The following KCNT2 variants were observed in gnomAD, a reference collection of about 807,000 sequenced individuals.
KCNT2 encodes potassium channel subfamily T member 2.
Under a neutral mutation model 153.8 loss-of-function variants are expected in KCNT2, and 67 were observed. That is an observed-to-expected ratio of 0.44 (90% CI 0.36 to 0.53). The LOEUF is 0.53. Among genes scored for constraint, KCNT2 ranks in the 20% least tolerant of loss-of-function variants. The probability of loss-of-function intolerance (pLI) is 0.00; values close to 1 mark genes in which losing one functional copy is unlikely to be tolerated. For synonymous variants in KCNT2, 500 were observed against 458.8 expected, an observed-to-expected ratio of 1.09 and a Z score of -1.15; for missense variants, 975 against 1,354.8, an observed-to-expected ratio of 0.72 and a Z score of 4.40.
chr1:196,302,266 A>C (rs1046527300), intron 22 of KCNT2, among the ~76,000 whole-genome samples: 1 of 152,322 alleles, frequency 6.6e-6, no homozygotes, highest in Admixed American at 6.5e-5. Flanking sequence ...CCCAGAATAC[A>C]AATATGGAAA....
At chr1:196,529,475 C>A (rs1654664896) in intron 1 of KCNT2, among the ~76,000 whole-genome samples, 1 of 152,068 alleles carries the variant, frequency 6.6e-6, no homozygotes, top group African/African-American at 2.4e-5. Context: ...GCTGTGGAGA[C>A]ATTATGATCT....
intron 8 of KCNT2, among the ~76,000 whole-genome samples, chr1:196,448,521 A>T (rs908503901): frequency 6.6e-6 from 1 of 151,594 alleles, no homozygotes; most frequent in Non-Finnish European, 1.5e-5. Context: ...GTAAAATTGC[A>T]TTACCTGCCC....
At chr1:196,284,246 AAAATATATATATAT>A (rs1659415521) in intron 23 of KCNT2, among the ~76,000 whole-genome samples, 1 of 14,118 alleles carries the variant, frequency 7.1e-5, no homozygotes, top group South Asian at 4.1e-3. Context: ...AAAAAAAAAA[AAAATATATATATAT>A]ATATATATAT....
rs71154737 is a variant in KCNT2 at position 196,329,950 on chromosome 1, CATATATATATATATATAT to C, written c.2103+1188_2103+1205del. Among the ~76,000 whole-genome samples, 38 of 73,528 alleles carry C rather than the reference CATATATATATATATATAT, an allele frequency of 5.2e-4. 3 individuals carry two copies. The highest frequency in any genetic ancestry group is 2.4e-3 in the African/African-American group (36 of 14,982). The allele number at this position is 73,528 out of a possible 152,430, so 48.2% of individuals were successfully genotyped here. A position where few individuals can be genotyped will look rare whatever the true frequency, so the allele number is the denominator to read the frequency against. ...AAATGGATAATTCTGTTCCTCAAGACATATATATATATATATATATATATATATATATATTTGAATGAG... is the reference window on the plus strand; with the variant it reads ...AAATGGATAATTCTGTTCCTCAAGACATATATATATATATATTTGAATGAG... On this transcript the variant is annotated intron_variant, in intron 18 of 27. Coordinates refer to ENST00000294725, the MANE Select transcript of KCNT2 (RefSeq NM_198503.5).
Position 196,319,476 on chromosome 1 carries a change from T to C in KCNT2, c.2348+8A>G. 6.2e-7 allele frequency: 1 copy of C among 1,604,790 alleles called. No individual in the cohort carries two copies. The highest frequency in any genetic ancestry group is 8.5e-7 in the Non-Finnish European group (1 of 1,172,772). On this transcript the variant is annotated splice_region_variant and intron_variant, in intron 20 of 27. Transcript: ENST00000294725. The stretch of plus-strand genomic sequence containing the variant: ...ACTAGTTAGTGTGCCAAAGATTTTG[T>C]CACCTACTTGTCAATAGAGCCCACC...
At chr1:196,260,319 ATTCAC>A (rs896240071) in intron 25 of KCNT2, among the ~76,000 whole-genome samples, 4 of 151,874 alleles carry the variant, frequency 2.6e-5, no homozygotes, top group African/African-American at 9.7e-5. Context: ...GAGCATAGGG[ATTCAC>A]TTCTTTTCCA....
chr1:196,489,345 A>T (rs1480124435), intron 3 of KCNT2, among the ~76,000 whole-genome samples: 1 of 151,978 alleles, frequency 6.6e-6, no homozygotes, highest in Non-Finnish European at 1.5e-5. Context: ...TCTAGTATTC[A>T]TGGAATACCA....
chr1:196,526,060 T>C (rs1654153953), intron 1 of KCNT2, among the ~76,000 whole-genome samples: 2 of 148,340 alleles, frequency 1.3e-5, no homozygotes, highest in African/African-American at 5.0e-5. Context: ...TGTGTGTGAA[T>C]CAGCACACTG....
intron 19 of KCNT2, among the ~76,000 whole-genome samples, chr1:196,325,820 A>G (rs568144211): frequency 5.9e-5 from 9 of 152,246 alleles, no homozygotes; most frequent in Non-Finnish European, 1.0e-4. Flanking sequence ...AGTTGCATCA[A>G]TAAGTATTTT....
At chr1:196,388,046 C>T (rs1366273001) in intron 13 of KCNT2, among the ~76,000 whole-genome samples, 2 of 151,050 alleles carry the variant, frequency 1.3e-5, no homozygotes, top group Non-Finnish European at 3.0e-5. Flanking sequence ...GTTGTAGTCT[C>T]ACTTTTTACA....
At chr1:196,362,977 T>C (rs936081108) in intron 14 of KCNT2, among the ~76,000 whole-genome samples, 2 of 152,106 alleles carry the variant, frequency 1.3e-5, no homozygotes, top group Non-Finnish European at 2.9e-5. Context: ...TAGGGAGGCA[T>C]GTCAAAAGCA....
At chr1:196,538,841 A>C (rs778045081) in intron 1 of KCNT2, among the ~76,000 whole-genome samples, 3 of 152,218 alleles carry the variant, frequency 2.0e-5, no homozygotes, top group Non-Finnish European at 4.4e-5. Context: ...AATTATTCTT[A>C]AAATGTTCTA....
Position 196,292,226 on chromosome 1 carries a change from T to C in KCNT2, c.2596-6468A>G, listed in dbSNP as rs183539734. Among the ~76,000 whole-genome samples the C allele has an allele frequency of 1.1e-4, 17 of 152,302 alleles. No homozygotes were observed. In the East Asian group the frequency reaches 3.1e-3, roughly 28 times the overall value. ...ACTGAGGACACACTTAAAAATCAAATATTGCAAGGTCATGTATAAAAAGCA... is the reference window on the plus strand; with the variant it reads ...ACTGAGGACACACTTAAAAATCAAACATTGCAAGGTCATGTATAAAAAGCA... On this transcript the variant is annotated intron_variant, in intron 22 of 27. Transcript: ENST00000294725.
At chr1:196,481,734 G>A (rs189878569) in intron 4 of KCNT2, among the ~76,000 whole-genome samples, 34 of 152,248 alleles carry the variant, frequency 2.2e-4, no homozygotes, top group African/African-American at 7.7e-4. Flanking sequence ...AAGAAGTAAC[G>A]GAGACTCTAG....
At chr1:196,374,051 C>G (rs988715077) in intron 13 of KCNT2, among the ~76,000 whole-genome samples, 6 of 151,814 alleles carry the variant, frequency 4.0e-5, no homozygotes, top group African/African-American at 7.2e-5. Flanking sequence ...ATTCTATTTT[C>G]TACAGAAGTC....
intron 1 of KCNT2, among the ~76,000 whole-genome samples, chr1:196,591,285 C>T (rs149165889): frequency 1.1e-4 from 16 of 152,170 alleles, no homozygotes; most frequent in Admixed American, 1.0e-3. Context: ...TTACAACTTC[C>T]ACAATAAGTG....
chr1:196,454,825 G>C (rs1010785598), intron 8 of KCNT2, among the ~76,000 whole-genome samples: 2 of 151,920 alleles, frequency 1.3e-5, no homozygotes, highest in African/African-American at 4.8e-5. Flanking sequence ...CAGAAGTCTA[G>C]GTAGGCTCAG....
chr1:196,228,168 C>G lies in KCNT2; in HGVS notation c.*56G>C, dbSNP rs1653633752. On this transcript the variant is annotated 3_prime_UTR_variant, in exon 28 of 28. Transcript: ENST00000294725. ...TCTAGTTTCTTTCGTGCCAGCAAAA[C>G]TTTTGTGGTTTCAAGCAAGGTCTTT... The G allele has an allele frequency of 1.0e-6, 1 of 993,282 alleles. No individual in the cohort carries two copies. The highest frequency in any genetic ancestry group is 1.4e-5 in the South Asian group (1 of 71,544). The allele number at this position is 993,282 out of a possible 1,614,324, so 61.5% of individuals were successfully genotyped here. A position where few individuals can be genotyped will look rare whatever the true frequency, so the allele number is the denominator to read the frequency against.
At chr1:196,252,735 GC>G (rs1656090647) in intron 26 of KCNT2, among the ~76,000 whole-genome samples, 1 of 151,376 alleles carries the variant, frequency 6.6e-6, no homozygotes, top group Admixed American at 6.6e-5. Context: ...TTTTGGGAAA[GC>G]CTTTTATCAT....
Sources: gnomAD v4.1 joint callset for allele counts (sites outside exome capture counted in the v4.1 genomes callset) on GRCh38, gnomAD v4.1.1 for gene constraint, MANE v1.5 for transcripts, NCBI Gene and HGNC (gene_info 2026-07-23, HGNC 2026-07-21) for gene names.